The following KDM6A variants were observed in gnomAD, a reference collection of about 807,000 sequenced individuals.
The protein encoded by KDM6A is lysine demethylase 6A.
Under a neutral mutation model 117.6 loss-of-function variants are expected in KDM6A, and 11 were observed. The observed-to-expected ratio is 0.09, with a 90% CI of 0.06 to 0.15. KDM6A has a LOEUF of 0.15. Ranked by LOEUF, KDM6A falls within the 10% of genes least tolerant of loss-of-function variation. KDM6A has a pLI of 1.00. For synonymous variants in KDM6A, 384 were observed against 396.1 expected (o/e 0.97, Z 0.36); for missense variants, 799 against 1,077.3 (o/e 0.74, Z 3.62).
At chrX:45,061,130 C>T (rs2044269370) in intron 14 of KDM6A, among the ~76,000 whole-genome samples, 194 bp from the exon 15 acceptor site, 1 of 110,877 alleles carries the variant, frequency 9.0e-6, no homozygotes, top group African/African-American at 3.3e-5. Context: ...ATTAAATAGT[C>T]AGTAATTTTT....
intron 2 of KDM6A, among the ~76,000 whole-genome samples, chrX:44,935,695 G>C (rs1334594156): frequency 9.0e-6 from 1 of 111,139 alleles, no homozygotes; most frequent in Non-Finnish European, 1.9e-5. Context: ...AGCTCTCATG[G>C]CATTAAAAAA....
intron 2 of KDM6A, among the ~76,000 whole-genome samples, chrX:44,956,548 G>A (rs750843489): frequency 4.5e-5 from 5 of 110,580 alleles, no homozygotes; most frequent in Non-Finnish European, 7.6e-5. Flanking sequence ...TCACAGGCAT[G>A]CACCACACCA....
At chrX:45,044,930 A>G (rs1346514082) in intron 8 of KDM6A, among the ~76,000 whole-genome samples, 1 of 111,976 alleles carries the variant, frequency 8.9e-6, no homozygotes, top group East Asian at 2.8e-4. Context: ...TAGCAAAATA[A>G]TATAGATAAG....
At position 44,873,510 on chromosome X, in the gene KDM6A, G is replaced by A. The variant is rs1479012906; in HGVS notation, c.-42G>A. ...GGCGTCACTGCGGGCCCCGGTCCGA[G>A]GGGGGGTGTCGGCGTTGGAGTTGTG... is the stretch of plus-strand genomic sequence containing the variant. On this transcript the variant is annotated 5_prime_UTR_variant, in exon 1 of 30. Coordinates refer to ENST00000611820, the MANE Select transcript of KDM6A (RefSeq NM_001291415.2). The A allele has an allele frequency of 1.7e-6, 2 of 1,204,484 alleles. No individual in the cohort carries two copies. Among genetic ancestry groups the A allele is most frequent in the Admixed American group, 2.2e-5 (1 of 45,968 alleles).
chrX:44,993,027 C>T (rs908991422), intron 4 of KDM6A, among the ~76,000 whole-genome samples: 11 of 111,943 alleles, frequency 9.8e-5, no homozygotes, highest in African/African-American at 3.6e-4. Flanking sequence ...ACTTATGGAG[C>T]ATCTGAGGAA....
At chrX:44,950,581 TGA>T (rs1393823569) in intron 2 of KDM6A, among the ~76,000 whole-genome samples, 1 of 94,591 alleles carries the variant, frequency 1.1e-5, no homozygotes, top group Non-Finnish European at 1.9e-5. Flanking sequence ...ACCCTGGGTG[TGA>T]GTGTGTGTGT....
chrX:45,019,082 G>C (rs1162980408), intron 5 of KDM6A, among the ~76,000 whole-genome samples: 1 of 111,283 alleles, frequency 9.0e-6, no homozygotes, highest in East Asian at 2.8e-4. Flanking sequence ...TATTGCTGCA[G>C]TTGTCCTCGT....
At position 45,069,961 on chromosome X, in the gene KDM6A, C is replaced by T. The variant is rs1236463258; in HGVS notation, c.2462C>T (p.Ser821Leu). ...AGTCCTAGCCATGGAGATTCTAAGT[C>T]ACCAGGTTTACTAAGTTCAGACAAT... is the stretch of plus-strand genomic sequence containing the variant. Reference protein sequence around the residue: ...VCSPSHGDSKSPGLLSSDNPQ... With the variant: ...VCSPSHGDSKLPGLLSSDNPQ... Residue 821 changes from serine (S) to leucine (L), a missense_variant, in exon 18 of 30, where the codon TCA becomes TTA. By Grantham distance (145) the Ser-to-Leu change is moderately radical. Around this residue, in one of 8 missense-constraint regions of KDM6A, gnomAD observed 301 missense variants for 318.3 expected, o/e 0.95. Coordinates refer to ENST00000611820, the MANE Select transcript of KDM6A (RefSeq NM_001291415.2). The T allele has an allele frequency of 2.5e-6, 3 of 1,211,859 alleles. No homozygotes were observed. Among genetic ancestry groups the T allele is most frequent in the Non-Finnish European group, 2.2e-6 (2 of 895,516 alleles).
Position 45,076,935 on chromosome X carries a change from G to A in KDM6A, c.2988+109G>A. The A allele has an allele frequency of 9.5e-6, 7 of 736,710 alleles. No individual in the cohort carries two copies. The Admixed American group carries it at 1.7e-4, about 18-fold the overall frequency. The allele number at this position is 736,710 out of a possible 1,213,427, so 60.7% of individuals were successfully genotyped here. The stretch of plus-strand genomic sequence containing the variant: ...CCTTTAGGAAACATTACAATTATTG[G>A]CAGCAGATTAAATAGTTTGGGGGCG... On this transcript the variant is annotated intron_variant, in intron 19 of 29. Transcript: ENST00000611820.
At chrX:44,914,145 G>A (rs57428170) in intron 2 of KDM6A, among the ~76,000 whole-genome samples, 13,077 of 111,346 alleles carry the variant, frequency 0.12, 900 homozygotes, top group African/African-American at 0.26. Context: ...GAGATCATTT[G>A]TTCCCGCATT....
intron 2 of KDM6A, among the ~76,000 whole-genome samples, chrX:44,903,511 A>G (rs1400262021): frequency 4.5e-5 from 5 of 111,678 alleles, no homozygotes; most frequent in African/African-American, 1.3e-4. Context: ...ACTTTCAGCC[A>G]TTATTTCTTT....
rs765745890 is a variant in KDM6A, at chrX:44,917,544, G to A, written c.225+43557G>A. On this transcript the variant is annotated intron_variant, in intron 2 of 29. Transcript: ENST00000611820. The stretch of plus-strand genomic sequence containing the variant: ...ATGATGACAAGATTGTTACATTTTG[G>A]TCTTTTTCTGATGTGAGCTGTTTAT... 8.9e-5 allele frequency among the ~76,000 whole-genome samples: 10 copies of A among 111,948 alleles called. No homozygotes were observed. The East Asian group carries it at 2.8e-3, about 31-fold the overall frequency.
chrX:45,091,826 C>T (rs1569539883), intron 27 of KDM6A, among the ~76,000 whole-genome samples: 1 of 111,739 alleles, frequency 8.9e-6, no homozygotes, highest in Non-Finnish European at 1.9e-5. Flanking sequence ...TTAATTTGGT[C>T]AGCATGTGTT....
intron 25 of KDM6A, among the ~76,000 whole-genome samples, chrX:45,089,162 T>C (rs1447173919): frequency 8.9e-6 from 1 of 111,951 alleles, no homozygotes; most frequent in East Asian, 2.8e-4. Flanking sequence ...TGAAAGTGAA[T>C]TTATGTGTTA....
intron 2 of KDM6A, among the ~76,000 whole-genome samples, chrX:44,874,477 G>T (rs1159801672): frequency 1.8e-5 from 2 of 111,991 alleles, no homozygotes; most frequent in African/African-American, 3.3e-5. Flanking sequence ...GTTTCACGGA[G>T]TTTAGGTCGG....
intron 2 of KDM6A, among the ~76,000 whole-genome samples, chrX:44,913,889 C>G (rs1447319205): frequency 9.0e-6 from 1 of 111,509 alleles, no homozygotes; most frequent in African/African-American, 3.3e-5. Context: ...TTAACTATCC[C>G]TGGACAACTT....
At chrX:45,085,257 T>G (rs1249970895) in intron 24 of KDM6A, among the ~76,000 whole-genome samples, 1 of 111,969 alleles carries the variant, frequency 8.9e-6, no homozygotes, top group Non-Finnish European at 1.9e-5. Flanking sequence ...ATATCTATAA[T>G]AGCTAATATT....
chrX:44,915,218 G>GT (rs1602173962), intron 2 of KDM6A, among the ~76,000 whole-genome samples: 1 of 112,108 alleles, frequency 8.9e-6, no homozygotes, highest in Non-Finnish European at 1.9e-5. Flanking sequence ...CTGGTCATAA[G>GT]TTTATGTTGC....
intron 2 of KDM6A, among the ~76,000 whole-genome samples, chrX:44,897,021 G>A (rs187145341): frequency 1.8e-4 from 20 of 110,042 alleles, no homozygotes; most frequent in African/African-American, 6.3e-4. Context: ...AATTTGGGAA[G>A]TTTTCAGCCA....
Sources: gnomAD v4.1 joint callset for allele counts (sites outside exome capture counted in the v4.1 genomes callset) on GRCh38, gnomAD v4.1.1 for gene constraint, gnomAD v4.1.1 regional missense constraint, MANE v1.5 for transcripts, NCBI Gene and HGNC (gene_info 2026-07-23, HGNC 2026-07-21) for gene names.